Variants in TSC1 observed in about 807,000 individuals in gnomAD.
TSC1 encodes TSC complex subunit 1.
Under a neutral mutation model 124.3 loss-of-function variants are expected in TSC1, and 20 were observed. That is an observed-to-expected ratio of 0.16 (90% CI 0.11 to 0.23). The LOEUF (loss-of-function observed/expected upper bound fraction) is 0.23. Ranked by LOEUF, TSC1 falls within the 10% of genes least tolerant of loss-of-function variation. TSC1 has a pLI of 1.00. For synonymous variants in TSC1, 493 were observed against 539.1 expected (o/e 0.91, Z 1.19); for missense variants, 1,124 against 1,448.5 (o/e 0.78, Z 3.64).
chr9:132,929,367 G>A (rs557035906), intron 2 of TSC1, among the ~76,000 whole-genome samples: 2 of 152,310 alleles, frequency 1.3e-5, no homozygotes, highest in South Asian at 4.1e-4. Flanking sequence ...CTTCTTGACA[G>A]TCTCATCAAT....
chr9:132,944,594 G>A lies in TSC1; in HGVS notation c.-195C>T, dbSNP rs1295687345. On this transcript the variant is annotated 5_prime_UTR_variant, in exon 1 of 23. Transcript: ENST00000298552. ...TACCTCACAGTCCCTCCAGCCTACAGGGCGCCGCCATCTTGGACGTACAGC... is the reference window on the plus strand; with the variant it reads ...TACCTCACAGTCCCTCCAGCCTACAAGGCGCCGCCATCTTGGACGTACAGC... The A allele has an allele frequency of 5.0e-6, 2 of 398,930 alleles. No homozygotes were observed. 24.7% of individuals were successfully genotyped at this position (398,930 alleles called of 1,614,324 possible).
At chr9:132,925,927 CTGACA>C in intron 4 of TSC1, 188 bp from the exon 5 acceptor site, 2 of 742,160 alleles carry the variant, frequency 2.7e-6, no homozygotes, top group Non-Finnish European at 4.3e-6. Context: ...TGCATTTGGC[CTGACA>C]AAAGGCAGCC....
intron 4 of TSC1, chr9:132,926,020 C>T: frequency 4.4e-6 from 2 of 455,430 alleles, no homozygotes; most frequent in Non-Finnish European, 4.0e-6. Flanking sequence ...CCCTCAATAA[C>T]CAACAGTCCC....
upstream of TSC1, among the ~76,000 whole-genome samples, chr9:132,945,004 G>A (rs563186524): frequency 8.5e-5 from 13 of 152,136 alleles, no homozygotes; most frequent in African/African-American, 1.2e-4. Flanking sequence ...AGCTGGCGGC[G>A]CCTGGGTGTG....
At chr9:132,904,546 C>T (rs777331809) in intron 15 of TSC1, 92 bp from the exon 16 acceptor site, 12 of 1,293,562 alleles carry the variant, frequency 9.3e-6, no homozygotes, top group Non-Finnish European at 1.3e-5. Flanking sequence ...TAGATCACTT[C>T]CTTGTGGTCA....
chr9:132,911,286 GA>G (rs1182153979), intron 10 of TSC1, 166 bp downstream of exon 10: 1 of 799,776 alleles, frequency 1.3e-6, no homozygotes. Flanking sequence ...ACTTCAAGAT[GA>G]ATCTAAGAGG....
chr9:132,904,026 T>A (rs913671715), intron 16 of TSC1, among the ~76,000 whole-genome samples: 1 of 152,078 alleles, frequency 6.6e-6, no homozygotes, highest in Non-Finnish European at 1.5e-5. Flanking sequence ...AAAGGTCATA[T>A]CATGTGGGAT....
At chr9:132,936,918 A>T (rs1403259469) in intron 1 of TSC1, among the ~76,000 whole-genome samples, 2 of 152,208 alleles carry the variant, frequency 1.3e-5, no homozygotes, top group Non-Finnish European at 2.9e-5. Flanking sequence ...AAACTAGTGG[A>T]CTGAGGAACT....
rs979471364 is a variant in TSC1, at chr9:132,895,279, C to A, written c.*956G>T. On this transcript the variant is annotated 3_prime_UTR_variant, in exon 23 of 23. Transcript: ENST00000298552. Reference sequence around the variant, plus strand: ...TGCTGCAGTGTCACATATAAGCTGACATGAACAAGAGGCGTATGCACACAA... The same window carrying A: ...TGCTGCAGTGTCACATATAAGCTGAAATGAACAAGAGGCGTATGCACACAA... 1.7e-5 allele frequency: 4 copies of A among 233,396 alleles called. No homozygotes were observed. The highest frequency in any genetic ancestry group is 2.6e-3 in the Middle Eastern group (2 of 782). The allele number at this position is 233,396 out of a possible 1,614,324, so 14.5% of individuals were successfully genotyped here. A position where few individuals can be genotyped will look rare whatever the true frequency, so the allele number is the denominator to read the frequency against.
intron 2 of TSC1, among the ~76,000 whole-genome samples, chr9:132,933,444 G>GT (rs60001652): frequency 1.8e-4 from 27 of 151,950 alleles, no homozygotes; most frequent in African/African-American, 4.8e-4. Context: ...AAAAGCTGGG[G>GT]TTTTTTTTGT....
chr9:132,936,022 G>C (rs1333310780), intron 1 of TSC1, among the ~76,000 whole-genome samples: 1 of 152,220 alleles, frequency 6.6e-6, no homozygotes, highest in African/African-American at 2.4e-5. Flanking sequence ...TCCAGGGAGA[G>C]ACCGCAGCTT....
chr9:132,900,514 C>T (rs978590314), intron 20 of TSC1: 28 of 769,862 alleles, frequency 3.6e-5, no homozygotes, highest in Non-Finnish European at 5.5e-5. Flanking sequence ...TGTGAGTTAA[C>T]TTCAAAGCAA....
chr9:132,920,397 G>A lies in TSC1; in HGVS notation c.737+966C>T, dbSNP rs149963572. 3.3e-3 allele frequency among the ~76,000 whole-genome samples: 504 copies of A among 152,324 alleles called. 1 individual carries two copies. The highest frequency in any genetic ancestry group is 0.012 in the African/African-American group (484 of 41,582). ...TCTCTGAGGTAGTAGGGAGAAAAGA[G>A]GGGTTCTCCACGGGGAGCCTCTAAG... On this transcript the variant is annotated intron_variant, in intron 8 of 22. Coordinates refer to ENST00000298552, the MANE Select transcript of TSC1 (RefSeq NM_000368.5).
intron 20 of TSC1, chr9:132,899,873 C>T (rs1004904318): frequency 6.6e-6 from 1 of 152,174 alleles, no homozygotes; most frequent in African/African-American, 2.4e-5. Context: ...TCTGTTTCTC[C>T]CCCTTTCTGT....
Position 132,906,755 on chromosome 9 carries a change from T to C in TSC1, c.1414A>G (p.Ser472Gly). Reference sequence around the variant, plus strand: ...CCTTCTTCTTTATCTTTTTCAATACTATCTTCTTCAGAGGCCAGATCACCT... The same window carrying C: ...CCTTCTTCTTTATCTTTTTCAATACCATCTTCTTCAGAGGCCAGATCACCT... ...FLGDLASEED[S>G]IEKDKEEAAI... Residue 472 changes from serine (S) to glycine (G), a missense_variant, in exon 14 of 23, where the codon AGT becomes GGT. Transcript: ENST00000298552. The surrounding 1 kb of genome is among the most constrained non-coding windows in gnomAD (Gnocchi z 4.1). 6.2e-7 allele frequency: 1 copy of C among 1,614,082 alleles called. No homozygotes were observed. Among genetic ancestry groups the C allele is most frequent in the Non-Finnish European group, 8.5e-7 (1 of 1,179,980 alleles).
At chr9:132,924,151 C>T (rs907327456) in intron 5 of TSC1, among the ~76,000 whole-genome samples, 1 of 151,974 alleles carries the variant, frequency 6.6e-6, no homozygotes, top group Non-Finnish European at 1.5e-5. Context: ...CACTTAACAC[C>T]CAATGGATAC....
In TSC1 at chr9:132,906,007, G is replaced by A. The variant is rs1276296733; in HGVS notation, c.1571C>T (p.Ser524Phe). The change falls in exon 15 of 23, where the codon TCC becomes TTC. Residue 524 changes from serine to phenylalanine, a missense_variant. Transcript: ENST00000298552. The surrounding 1 kb of genome is among the most constrained non-coding windows in gnomAD (Gnocchi z 4.1). ...GTTCACGCTGGCGCCCTGAGAACTG[G>A]AGGCTGCCGAGTGGGTCTTCCGCTG... The part of the protein sequence containing the change: ...GSQRKTHSAA[S>F]SSQGASVNPE... The A allele has an allele frequency of 1.2e-6, 2 of 1,614,032 alleles. No individual in the cohort carries two copies. The highest frequency in any genetic ancestry group is 4.5e-5 in the East Asian group (2 of 44,880).
rs1554817334 is a variant in TSC1, at chr9:132,911,450, T to C, written c.1029+3A>G. 1 of 1,604,506 alleles carries C rather than the reference T, an allele frequency of 6.2e-7. No individual in the cohort carries two copies. Among genetic ancestry groups the C allele is most frequent in the Non-Finnish European group, 8.5e-7 (1 of 1,171,368 alleles). ...AGAGCAGGCACACTAGTTGACACCA[T>C]ACTTGTGGTGGTTCAGTTATCAGCC... On this transcript the variant is annotated splice_donor_region_variant and intron_variant, in intron 10 of 22. Transcript: ENST00000298552.
At chr9:132,905,135 A>G (rs1416628225) in intron 15 of TSC1, among the ~76,000 whole-genome samples, 3 of 152,198 alleles carry the variant, frequency 2.0e-5, no homozygotes, top group Non-Finnish European at 4.4e-5. Flanking sequence ...CTTGCATAAA[A>G]TGCTGATGAT....
Sources: allele counts gnomAD v4.1 joint callset (sites outside exome capture counted in the v4.1 genomes callset), GRCh38; gene constraint gnomAD v4.1.1; non-coding constraint Gnocchi (gnomAD v3.1); transcripts MANE v1.5; gene names NCBI Gene and HGNC (gene_info 2026-07-23, HGNC 2026-07-21).